Variants in TMEM120B observed in about 807,000 individuals in gnomAD.
TMEM120B encodes transmembrane protein 120B.
TMEM120B carries 31 observed loss-of-function variants against 55.5 expected under a neutral mutation model. That is an observed-to-expected ratio of 0.56 (90% CI 0.42 to 0.75). TMEM120B has a LOEUF of 0.75. TMEM120B is among the 30% of genes least tolerant of loss of function. TMEM120B has a pLI of 0.00. For missense variants in TMEM120B, 399 were observed against 425.5 expected (o/e 0.94, Z 0.55); for synonymous variants, 203 against 176.3 (o/e 1.15, Z -1.20).
intron 5 of TMEM120B, among the ~76,000 whole-genome samples, chr12:121,757,682 AC>A (rs1873525720): frequency 6.6e-6 from 1 of 151,942 alleles, no homozygotes; most frequent in South Asian, 2.1e-4. Flanking sequence ...ATGCCCGGCT[AC>A]TTTTTTGTAT....
rs749182770 is a variant in TMEM120B, at chr12:121,767,085, G to A, written c.552-3822G>A. ...AGATATTGGGACATGCTGTCCCTAC[G>A]TCTGGCCATTGATGCACCTGCTCCT... On this transcript the variant is annotated intron_variant, in intron 6 of 11. Coordinates refer to ENST00000449592, the MANE Select transcript of TMEM120B (RefSeq NM_001080825.2). Among the ~76,000 whole-genome samples, 22 of 152,164 alleles carry A rather than the reference G, an allele frequency of 1.4e-4. 1 individual carries two copies. Among genetic ancestry groups the A allele is most frequent in the Non-Finnish European group, 1.9e-4 (13 of 68,022 alleles).
At chr12:121,769,886 G>A (rs1353460967) in intron 6 of TMEM120B, among the ~76,000 whole-genome samples, 2 of 152,246 alleles carry the variant, frequency 1.3e-5, no homozygotes, top group Admixed American at 6.5e-5. Flanking sequence ...AGAAAGGCAC[G>A]TAATTGCAGA....
At chr12:121,773,573 C>G (rs1394405685) in intron 9 of TMEM120B, 60 bp downstream of exon 9, 32 of 1,339,246 alleles carry the variant, frequency 2.4e-5, no homozygotes, top group Non-Finnish European at 5.1e-6. Flanking sequence ...GCTCCCCACA[C>G]CGGGAGTGCA....
chr12:121,765,183 G>A (rs1334402629), intron 6 of TMEM120B, among the ~76,000 whole-genome samples: 3 of 144,814 alleles, frequency 2.1e-5, no homozygotes, highest in African/African-American at 7.7e-5. Flanking sequence ...AGGCTGGAGT[G>A]CAGTGGTGTG....
rs1002714938 is a variant in TMEM120B, at chr12:121,779,288, TCAC to T, written c.*3572_*3574del. On this transcript the variant is annotated 3_prime_UTR_variant, in exon 12 of 12. Transcript: ENST00000449592. ...ACAGACACTGGCTCCTGCACCCACATCACCACCATGTCCCAGGGGCAGCCTGGA... is the reference window on the plus strand; with the variant it reads ...ACAGACACTGGCTCCTGCACCCACATCACCATGTCCCAGGGGCAGCCTGGA... The T allele has an allele frequency of 6.6e-6, 4 of 603,180 alleles. No homozygotes were observed. The highest frequency in any genetic ancestry group is 3.7e-5 in the African/African-American group (2 of 53,842). The allele number at this position is 603,180 out of a possible 1,614,324, so 37.4% of individuals were successfully genotyped here. A position where few individuals can be genotyped will look rare whatever the true frequency, so the allele number is the denominator to read the frequency against.
At chr12:121,749,578 T>C (rs1354715904) in intron 3 of TMEM120B, among the ~76,000 whole-genome samples, 1 of 152,024 alleles carries the variant, frequency 6.6e-6, no homozygotes, top group African/African-American at 2.4e-5. Flanking sequence ...CTTTGGCGAC[T>C]GAGGTGGGAG....
At chr12:121,729,056 G>A (rs1417850945) in intron 1 of TMEM120B, among the ~76,000 whole-genome samples, 2 of 152,238 alleles carry the variant, frequency 1.3e-5, no homozygotes, top group Non-Finnish European at 2.9e-5. Flanking sequence ...CCTGTGGCCA[G>A]GCCTAACCCT....
At chr12:121,748,658 C>G (rs1351548415) in intron 3 of TMEM120B, among the ~76,000 whole-genome samples, 1 of 152,046 alleles carries the variant, frequency 6.6e-6, no homozygotes. Flanking sequence ...CTGGGAGGTC[C>G]GTTGCAAGGA....
At position 121,780,714 on chromosome 12, in the gene TMEM120B, G is replaced by T; in HGVS notation, c.*4992G>T. Reference sequence around the variant, plus strand: ...TGGGAGTAGTCGTGTAAAGTGCTCAGGTCCACAGGCCATCAATACTAATAG... The same window carrying T: ...TGGGAGTAGTCGTGTAAAGTGCTCATGTCCACAGGCCATCAATACTAATAG... On this transcript the variant is annotated 3_prime_UTR_variant, in exon 12 of 12. Coordinates refer to ENST00000449592, the MANE Select transcript of TMEM120B (RefSeq NM_001080825.2). The T allele has an allele frequency of 1.2e-6, 1 of 826,534 alleles. No homozygotes were observed. The highest frequency in any genetic ancestry group is 1.7e-5 in the African/African-American group (1 of 58,032). 51.2% of individuals were successfully genotyped at this position (826,534 alleles called of 1,614,324 possible).
At position 121,779,533 on chromosome 12, in the gene TMEM120B, G is replaced by A. The variant is rs199516995; in HGVS notation, c.*3811G>A. Reference sequence around the variant, plus strand: ...AGGCAGAGCCGGCGCTTCTTCTGCCGTTGCGCCTTCTTCAGAGCGCTGAGA... The same window carrying A: ...AGGCAGAGCCGGCGCTTCTTCTGCCATTGCGCCTTCTTCAGAGCGCTGAGA... On this transcript the variant is annotated 3_prime_UTR_variant, in exon 12 of 12. Coordinates refer to ENST00000449592, the MANE Select transcript of TMEM120B (RefSeq NM_001080825.2). 148 of 1,612,878 alleles carry A rather than the reference G, an allele frequency of 9.2e-5. No individual in the cohort carries two copies. The highest frequency in any genetic ancestry group is 4.5e-4 in the East Asian group (20 of 44,892).
chr12:121,722,688 A>G (rs964490387), intron 1 of TMEM120B, among the ~76,000 whole-genome samples: 42 of 152,204 alleles, frequency 2.8e-4, no homozygotes, highest in Non-Finnish European at 5.6e-4. Flanking sequence ...CATTGTATGT[A>G]GTCCAAGTAT....
Position 121,775,002 on chromosome 12 carries a change from C to T in TMEM120B, c.838-60C>T. On this transcript the variant is annotated intron_variant, in intron 10 of 11. Coordinates refer to ENST00000449592, the MANE Select transcript of TMEM120B (RefSeq NM_001080825.2). The surrounding 1 kb of genome is among the most constrained non-coding windows in gnomAD (Gnocchi z 4.3). ...GTGAGGGGCCTGGCCATCACCCTGG[C>T]TTTCTACGTGGCCGGCCAGGGGAGT... 1 of 1,589,422 alleles carries T rather than the reference C, an allele frequency of 6.3e-7. No individual in the cohort carries two copies.
intron 4 of TMEM120B, among the ~76,000 whole-genome samples, chr12:121,751,180 C>T (rs1165961275): frequency 7.3e-6 from 1 of 137,238 alleles, no homozygotes; most frequent in East Asian, 2.3e-4. Flanking sequence ...CACCTAACAC[C>T]CCATACCCCA....
At chr12:121,752,645 C>T (rs149767206) in intron 5 of TMEM120B, among the ~76,000 whole-genome samples, 4,565 of 152,004 alleles carry the variant, frequency 0.03, 101 homozygotes, top group Non-Finnish European at 0.05. Flanking sequence ...CCCAGCTACT[C>T]GGAAGGGTGA....
At chr12:121,750,321 T>G in intron 3 of TMEM120B, 59 bp from the exon 4 acceptor site, 2 of 1,487,074 alleles carry the variant, frequency 1.3e-6, no homozygotes. Flanking sequence ...TGAGTTTGAA[T>G]GTTGTTGATT....
chr12:121,723,134 AC>A (rs1345746636), intron 1 of TMEM120B, among the ~76,000 whole-genome samples: 1 of 145,980 alleles, frequency 6.9e-6, no homozygotes, highest in Non-Finnish European at 1.5e-5. Context: ...GACATGAGCC[AC>A]CGCGCCTGGC....
At chr12:121,757,323 G>A (rs1592941475) in intron 5 of TMEM120B, among the ~76,000 whole-genome samples, 1 of 151,514 alleles carries the variant, frequency 6.6e-6, no homozygotes, top group East Asian at 2.0e-4. Context: ...CACCACACCC[G>A]GATAATTTTT....
At chr12:121,765,929 G>A (rs977395401) in intron 6 of TMEM120B, among the ~76,000 whole-genome samples, 2 of 151,234 alleles carry the variant, frequency 1.3e-5, no homozygotes, top group African/African-American at 4.9e-5. Flanking sequence ...GGTGAGACTG[G>A]GATGAACTCT....
At chr12:121,717,655 GTCTT>G (rs1464754940) in intron 1 of TMEM120B, among the ~76,000 whole-genome samples, 2 of 152,030 alleles carry the variant, frequency 1.3e-5, no homozygotes, top group African/African-American at 4.8e-5. Flanking sequence ...CTTGTGGGGC[GTCTT>G]TCTTTCTTTT....
Sources: allele counts gnomAD v4.1 joint callset (sites outside exome capture counted in the v4.1 genomes callset), GRCh38; gene constraint gnomAD v4.1.1; non-coding constraint Gnocchi (gnomAD v3.1); transcripts MANE v1.5; gene names NCBI Gene and HGNC (gene_info 2026-07-23, HGNC 2026-07-21).